PALS1: variants seen among roughly 807,000 people sequenced by gnomAD.
The protein encoded by PALS1 is protein associated with LIN7 1, MAGUK p55 family member.
Under a neutral mutation model 78.9 loss-of-function variants are expected in PALS1, and 31 were observed. That is an observed-to-expected ratio of 0.39 (90% confidence interval 0.30 to 0.53). The LOEUF is 0.53. Ranked by LOEUF, PALS1 falls within the 20% of genes least tolerant of loss-of-function variation. The pLI, the probability that PALS1 is intolerant of heterozygous loss-of-function variation, is 0.67. For synonymous variants in PALS1, 276 were observed against 270.9 expected, an observed-to-expected ratio of 1.02 and a Z score of -0.18; for missense variants, 704 against 826.5, an observed-to-expected ratio of 0.85 and a Z score of 1.82.
chr14:67,308,823 A>C (rs1017422970), intron 8 of PALS1, among the ~76,000 whole-genome samples: 2 of 152,034 alleles, frequency 1.3e-5, no homozygotes, highest in African/African-American at 2.4e-5. Flanking sequence ...TACTATCCCA[A>C]ATTACAATAT....
chr14:67,323,222 CATATATACACGTGT>C (rs1479422219), intron 13 of PALS1, among the ~76,000 whole-genome samples: 5 of 107,718 alleles, frequency 4.6e-5, no homozygotes, highest in South Asian at 3.8e-4. Flanking sequence ...CATATATACA[CATATATACACGTGT>C]GTGTGTGTGT....
intron 3 of PALS1, among the ~76,000 whole-genome samples, chr14:67,290,091 G>A (rs1161036496): frequency 1.3e-5 from 2 of 151,894 alleles, no homozygotes; most frequent in East Asian, 1.9e-4. Context: ...TTTTTATACT[G>A]TCTTTGACTG....
At chr14:67,269,456 T>C (rs2084378538) in intron 1 of PALS1, among the ~76,000 whole-genome samples, 1 of 152,152 alleles carries the variant, frequency 6.6e-6, no homozygotes, top group South Asian at 2.1e-4. Flanking sequence ...GTTTCCAATG[T>C]GTTATTGGAA....
At chr14:67,244,648 A>G (rs942958415) in intron 1 of PALS1, among the ~76,000 whole-genome samples, 3 of 152,242 alleles carry the variant, frequency 2.0e-5, no homozygotes, top group Non-Finnish European at 2.9e-5. Context: ...GTGACTGAAT[A>G]AAGTGGCTGT....
At chr14:67,316,046 G>T (rs1376247247) in intron 9 of PALS1, among the ~76,000 whole-genome samples, 1 of 152,138 alleles carries the variant, frequency 6.6e-6, no homozygotes, top group Non-Finnish European at 1.5e-5. Context: ...TGTAGAATTT[G>T]CTTATTGATT....
At position 67,279,475 on chromosome 14, in the gene PALS1, C is replaced by G; in HGVS notation, c.305C>G (p.Pro102Arg). 1 of 1,603,078 alleles carries G rather than the reference C, an allele frequency of 6.2e-7. No homozygotes were observed. The highest frequency in any genetic ancestry group is 1.3e-5 in the African/African-American group (1 of 74,398). ...QIPPKTGIDN[P>R]MFDTEEGIVL... ...CCTCCAAAGACCGGAATAGATAACC[C>G]TATGTTTGATACAGAGGAAGGAATT... Residue 102 changes from proline (P) to arginine (R), a missense_variant, in exon 3 of 15, where the codon CCT becomes CGT. Physicochemically the swap from Pro to Arg is moderately radical, Grantham distance 103. Transcript: ENST00000261681.
At chr14:67,328,403 T>C (rs1184281664) in intron 14 of PALS1, among the ~76,000 whole-genome samples, 18 of 152,336 alleles carry the variant, frequency 1.2e-4, no homozygotes, top group African/African-American at 4.1e-4. Context: ...GATGGGTAGA[T>C]GGTAAAAATT....
At chr14:67,300,800 C>G (rs1343266315) in intron 4 of PALS1, among the ~76,000 whole-genome samples, 1 of 151,988 alleles carries the variant, frequency 6.6e-6, no homozygotes, top group Non-Finnish European at 1.5e-5. Flanking sequence ...GGTGATTGTT[C>G]CATTACACTC....
rs1020540003 is a variant in PALS1, at chr14:67,335,686, G to C, written c.*2730G>C. 2 of 152,614 alleles carry C rather than the reference G, an allele frequency of 1.3e-5. No homozygotes were observed. Among genetic ancestry groups the C allele is most frequent in the Admixed American group, 1.3e-4 (2 of 15,268 alleles). The allele number at this position is 152,614 out of a possible 1,614,324, so 9.5% of individuals were successfully genotyped here. On this transcript the variant is annotated 3_prime_UTR_variant, in exon 15 of 15. Coordinates refer to ENST00000261681, the MANE Select transcript of PALS1 (RefSeq NM_022474.4). ...AAGCAGGGATTTAGCCTTAATAAAG[G>C]TAACCTTCTGACATCTGTTGTTAAT...
chr14:67,320,376 C>T lies in PALS1; in HGVS notation c.1516C>T (p.Arg506Cys), dbSNP rs200249049. Residue 506 changes from arginine to cysteine, a missense_variant, in exon 12 of 15, where the codon CGC (arginine) becomes TGC (cysteine). Coordinates refer to ENST00000261681, the MANE Select transcript of PALS1 (RefSeq NM_022474.4). Reference protein sequence around the residue: ...RQRLMNKEKDRFASAVPHTTR... With the variant: ...RQRLMNKEKDCFASAVPHTTR... ...GAGGCTCATGAACAAAGAAAAGGAC[C>T]GCTTTGCATCTGCAGTTCCTCGTAA... is the stretch of plus-strand genomic sequence containing the variant. The T allele has an allele frequency of 3.1e-6, 5 of 1,604,982 alleles. No homozygotes were observed. The Admixed American group carries it at 5.2e-5, about 17-fold the overall frequency.
chr14:67,267,079 G>C (rs1296285092), intron 1 of PALS1, among the ~76,000 whole-genome samples: 1 of 151,966 alleles, frequency 6.6e-6, no homozygotes, highest in African/African-American at 2.4e-5. Flanking sequence ...CTGCACTCCA[G>C]CCTGTCTCAC....
chr14:67,244,968 A>G (rs2083966579), intron 1 of PALS1, among the ~76,000 whole-genome samples: 1 of 152,180 alleles, frequency 6.6e-6, no homozygotes, highest in African/African-American at 2.4e-5. Flanking sequence ...AGTCAGGAAA[A>G]AAAGATGTAA....
At chr14:67,305,307 A>G (rs1218307083) in intron 8 of PALS1, among the ~76,000 whole-genome samples, 1 of 151,418 alleles carries the variant, frequency 6.6e-6, no homozygotes. Flanking sequence ...TTGAGGTGGG[A>G]TCTGGCTCTA....
At chr14:67,316,946 C>A (rs2085185323) in intron 10 of PALS1, 43 bp downstream of exon 10, 1 of 1,493,096 alleles carries the variant, frequency 6.7e-7, no homozygotes, top group Non-Finnish European at 9.2e-7. Flanking sequence ...TTTCTTGGGT[C>A]TTCATCTGGA....
rs2085473522 is a variant in PALS1, at chr14:67,332,978, ATGTTGGACT to A, written c.*25_*33del. 1.3e-6 allele frequency: 2 copies of A among 1,588,282 alleles called. No individual in the cohort carries two copies. Among genetic ancestry groups the A allele is most frequent in the African/African-American group, 2.7e-5 (2 of 74,388 alleles). Reference sequence around the variant, plus strand: ...GTGAAAGAAACATCCATTCTGTGGCATGTTGGACTTGATCTGGCAAAAACTGCCAATAGG... The same window carrying A: ...GTGAAAGAAACATCCATTCTGTGGCATGATCTGGCAAAAACTGCCAATAGG... On this transcript the variant is annotated 3_prime_UTR_variant, in exon 15 of 15. Transcript: ENST00000261681.
chr14:67,251,312 C>T (rs144648720), intron 1 of PALS1, among the ~76,000 whole-genome samples: 163 of 152,224 alleles, frequency 1.1e-3, no homozygotes, highest in African/African-American at 3.7e-3. Flanking sequence ...GCAGGAGGAC[C>T]GCTTGAGCCC....
intron 3 of PALS1, 21 bp downstream of exon 3, chr14:67,279,558 A>G (rs377049467): frequency 2.7e-6 from 4 of 1,507,094 alleles, no homozygotes; most frequent in Non-Finnish European, 3.5e-6. Flanking sequence ...ATAGAGGTAT[A>G]ACAGAAAACA....
chr14:67,332,787 A>C lies in PALS1; in HGVS notation c.1859A>C (p.Glu620Ala), dbSNP rs1354813064. 1.2e-6 allele frequency: 2 copies of C among 1,609,088 alleles called. No individual in the cohort carries two copies. The highest frequency in any genetic ancestry group is 2.2e-5 in the East Asian group (1 of 44,670). The part of the protein sequence containing the change: ...AKEGKNPKPE[E>A]LREIIEKTRE... ...TTTATCTTCTGTTTGCAGCCTGAAG[A>C]GTTGAGAGAAATCATTGAGAAGACA... Residue 620 changes from glutamate (E) to alanine (A), a missense_variant, in exon 15 of 15, where the codon GAG (glutamate) becomes GCG (alanine). Glu to Ala is a moderately radical substitution (Grantham distance 107, BLOSUM62 -1). Transcript: ENST00000261681.
intron 1 of PALS1, among the ~76,000 whole-genome samples, chr14:67,248,780 G>A (rs939262018): frequency 6.6e-6 from 1 of 152,144 alleles, no homozygotes; most frequent in African/African-American, 2.4e-5. Context: ...AAAATAAGGT[G>A]TGCCTGATTT....
Sources: allele counts gnomAD v4.1 joint callset (sites outside exome capture counted in the v4.1 genomes callset), GRCh38; gene constraint gnomAD v4.1.1; transcripts MANE v1.5; gene names NCBI Gene and HGNC (gene_info 2026-07-23, HGNC 2026-07-21).